Variants in CTNNA3 observed in about 807,000 individuals in gnomAD.
The protein encoded by CTNNA3 is catenin alpha-3.
CTNNA3 carries 76 observed loss-of-function variants against 95.7 expected under a neutral mutation model. That is an observed-to-expected ratio of 0.79 (90% CI 0.66 to 0.96). The LOEUF (loss-of-function observed/expected upper bound fraction) is 0.96. Ranked by LOEUF, CTNNA3 falls within the 40% of genes least tolerant of loss-of-function variation. CTNNA3 has a pLI of 0.00. For synonymous variants in CTNNA3, 431 were observed against 374.4 expected, an observed-to-expected ratio of 1.15 and a Z score of -1.74; for missense variants, 1,191 against 1,089.8, an observed-to-expected ratio of 1.09 and a Z score of -1.31.
chr10:66,542,557 C>A (rs1244603656), intron 10 of CTNNA3, among the ~76,000 whole-genome samples: 4 of 152,006 alleles, frequency 2.6e-5, no homozygotes, highest in African/African-American at 9.7e-5. Flanking sequence ...TACAATGCAG[C>A]CATAAAAATG....
intron 5 of CTNNA3, among the ~76,000 whole-genome samples, chr10:67,395,584 T>C (rs1440696510): frequency 6.6e-6 from 1 of 152,220 alleles, no homozygotes; most frequent in Non-Finnish European, 1.5e-5. Flanking sequence ...GATCCAGCAC[T>C]TTCCTTTAAA....
At chr10:67,304,067 A>G (rs548272954) in intron 5 of CTNNA3, among the ~76,000 whole-genome samples, 1 of 152,278 alleles carries the variant, frequency 6.6e-6, no homozygotes, top group South Asian at 2.1e-4. Context: ...TTAGTTCTAT[A>G]CTACACTTTA....
chr10:66,198,723 A>G (rs1015700466), intron 13 of CTNNA3, among the ~76,000 whole-genome samples: 1 of 152,168 alleles, frequency 6.6e-6, no homozygotes, highest in Non-Finnish European at 1.5e-5. Flanking sequence ...CCTCAGCCAA[A>G]TAAAAATTAT....
intron 13 of CTNNA3, among the ~76,000 whole-genome samples, chr10:66,181,541 T>G (rs1337081624): frequency 1.3e-5 from 2 of 152,100 alleles, no homozygotes; most frequent in African/African-American, 4.8e-5. Context: ...AGCTACACAC[T>G]CCCACCCTCA....
chr10:66,279,693 C>T (rs769486571), intron 13 of CTNNA3, among the ~76,000 whole-genome samples: 3 of 152,070 alleles, frequency 2.0e-5, no homozygotes, highest in Non-Finnish European at 2.9e-5. Context: ...CCCCTCTCTG[C>T]CTCACTTTGT....
intron 7 of CTNNA3, among the ~76,000 whole-genome samples, chr10:66,919,495 A>G (rs1464266072): frequency 6.6e-6 from 1 of 152,156 alleles, no homozygotes; most frequent in African/African-American, 2.4e-5. Flanking sequence ...ACCTGAGAAT[A>G]TGGATTGACG....
At chr10:67,600,047 A>T (rs948007754) in intron 3 of CTNNA3, among the ~76,000 whole-genome samples, 1 of 152,140 alleles carries the variant, frequency 6.6e-6, no homozygotes, top group African/African-American at 2.4e-5. Flanking sequence ...AGACCCATAC[A>T]TATATGGTCA....
chr10:66,357,248 A>G (rs2132411045), intron 12 of CTNNA3, among the ~76,000 whole-genome samples: 1 of 152,280 alleles, frequency 6.6e-6, no homozygotes, highest in East Asian at 1.9e-4. Context: ...ATCTCTTGAA[A>G]GCATTTAAAC....
At chr10:66,059,183 CA>C (rs993200526) in intron 15 of CTNNA3, among the ~76,000 whole-genome samples, 15 of 152,052 alleles carry the variant, frequency 9.9e-5, no homozygotes, top group Admixed American at 8.5e-4. Flanking sequence ...GAATTAGCCC[CA>C]TTTTGGTAAG....
intron 14 of CTNNA3, among the ~76,000 whole-genome samples, chr10:66,070,127 T>C (rs1215925967): frequency 6.6e-6 from 1 of 152,184 alleles, no homozygotes; most frequent in East Asian, 1.9e-4. Flanking sequence ...ATTTTTTCTA[T>C]GAAGAATCAA....
chr10:66,244,933 C>T (rs10997008), intron 13 of CTNNA3, among the ~76,000 whole-genome samples: 32,525 of 152,040 alleles, frequency 0.21, 3,644 homozygotes, highest in South Asian at 0.29. Flanking sequence ...GATATGTGAC[C>T]TTTTGTTACG....
intron 10 of CTNNA3, among the ~76,000 whole-genome samples, chr10:66,559,610 C>T (rs1429236618): frequency 1.3e-5 from 2 of 151,924 alleles, no homozygotes; most frequent in East Asian, 1.9e-4. Context: ...CATTGAGTTT[C>T]TTTCAGTTTC....
At chr10:65,948,226 A>G (rs1359392229) in intron 17 of CTNNA3, among the ~76,000 whole-genome samples, 5 of 148,526 alleles carry the variant, frequency 3.4e-5, no homozygotes, top group Non-Finnish European at 7.4e-5. Context: ...GCTTGCAGTG[A>G]GCCGAGATCA....
At chr10:67,091,948 G>A (rs1857668692) in intron 7 of CTNNA3, among the ~76,000 whole-genome samples, 1 of 151,936 alleles carries the variant, frequency 6.6e-6, no homozygotes, top group Admixed American at 6.6e-5. Flanking sequence ...AGACTGAAAT[G>A]CCTATTTCTT....
intron 7 of CTNNA3, among the ~76,000 whole-genome samples, chr10:66,788,391 C>G (rs1463375465): frequency 1.3e-5 from 2 of 152,172 alleles, no homozygotes; most frequent in Non-Finnish European, 1.5e-5. Flanking sequence ...CGATGAAGCA[C>G]AGCCCAGTTG....
At chr10:67,386,010 T>C (rs1409731103) in intron 5 of CTNNA3, among the ~76,000 whole-genome samples, 1 of 152,196 alleles carries the variant, frequency 6.6e-6, no homozygotes, top group Non-Finnish European at 1.5e-5. Context: ...TACCATCACC[T>C]TATCTGCTTA....
At chr10:67,373,921 A>G (rs1262436862) in intron 5 of CTNNA3, among the ~76,000 whole-genome samples, 1 of 152,186 alleles carries the variant, frequency 6.6e-6, no homozygotes, top group Non-Finnish European at 1.5e-5. Context: ...CCTGAAAACA[A>G]CATGCTATGC....
At chr10:66,610,927 A>G (rs1184470963) in intron 10 of CTNNA3, among the ~76,000 whole-genome samples, 2 of 152,174 alleles carry the variant, frequency 1.3e-5, no homozygotes, top group Admixed American at 6.5e-5. Flanking sequence ...AATGTGGCAT[A>G]TGTGTGTGTA....
intron 2 of CTNNA3, among the ~76,000 whole-genome samples, chr10:67,636,788 C>A (rs1839329630): frequency 6.6e-6 from 1 of 152,140 alleles, no homozygotes; most frequent in Non-Finnish European, 1.5e-5. Context: ...CTCCAACAGA[C>A]CTGCAGCTGA....
Sources: allele counts gnomAD v4.1 joint callset (sites outside exome capture counted in the v4.1 genomes callset), GRCh38; gene constraint gnomAD v4.1.1; transcripts MANE v1.5; gene names NCBI Gene and HGNC (gene_info 2026-07-23, HGNC 2026-07-21).